Variants in CLN6 observed in about 807,000 individuals in gnomAD.
The protein encoded by CLN6 is ceroid-lipofuscinosis neuronal protein 6.
In CLN6, 22 loss-of-function variants were observed where a neutral mutation model predicts 33.3. That is an observed-to-expected ratio of 0.66 (90% CI 0.47 to 0.94). CLN6 has a LOEUF of 0.94. Ranked by LOEUF, CLN6 falls within the 40% of genes least tolerant of loss-of-function variation. CLN6 has a pLI of 0.00. For synonymous variants in CLN6, 201 were observed against 174.6 expected (o/e 1.15, Z -1.19); for missense variants, 387 against 417.1 (o/e 0.93, Z 0.63).
intron 2 of CLN6, among the ~76,000 whole-genome samples, chr15:68,217,382 A>G (rs2093223438): frequency 6.6e-6 from 1 of 152,108 alleles, no homozygotes; most frequent in South Asian, 2.1e-4. Flanking sequence ...GGTGCACATC[A>G]CCACACCCAG....
At position 68,211,615 on chromosome 15, in the gene CLN6, G is replaced by A. The variant is rs757601534; in HGVS notation, c.486+60C>T. 1.4e-5 allele frequency: 22 copies of A among 1,607,762 alleles called. No individual in the cohort carries two copies. The highest frequency in any genetic ancestry group is 1.6e-4 in the Middle Eastern group (1 of 6,084). Reference sequence around the variant, plus strand: ...GCGAGGGGTGGGGGCCATTTCTTCAGCCTCCCAGGACAGACTGTGCTCCTA... The same window carrying A: ...GCGAGGGGTGGGGGCCATTTCTTCAACCTCCCAGGACAGACTGTGCTCCTA... On this transcript the variant is annotated intron_variant, in intron 4 of 6. Coordinates refer to ENST00000249806, the MANE Select transcript of CLN6 (RefSeq NM_017882.3). This position sits in a 1 kb window ranked among gnomAD's most constrained non-coding sequence, Gnocchi z 5.9.
chr15:68,256,676 G>T lies in CLN6; in HGVS notation c.179+14C>A, dbSNP rs1219911759. Reference sequence around the variant, plus strand: ...CTTGGTTTAATGCGCTGCTCTCATTGCCTTGAAACTTACTTTTTACCTTTG... The same window carrying T: ...CTTGGTTTAATGCGCTGCTCTCATTTCCTTGAAACTTACTTTTTACCTTTG... On this transcript the variant is annotated intron_variant, in intron 1 of 6. Transcript: ENST00000538696. The surrounding 1 kb of genome is among the most constrained non-coding windows in gnomAD (Gnocchi z 4.1). 6 of 646,606 alleles carry T rather than the reference G, an allele frequency of 9.3e-6. No homozygotes were observed. The highest frequency in any genetic ancestry group is 1.4e-5 in the Non-Finnish European group (5 of 355,692). The allele number at this position is 646,606 out of a possible 1,614,324, so 40.1% of individuals were successfully genotyped here.
chr15:68,232,893 C>G (rs1007829127), upstream of CLN6, among the ~76,000 whole-genome samples: 1 of 151,944 alleles, frequency 6.6e-6, no homozygotes, highest in Non-Finnish European at 1.5e-5. This position sits in a 1 kb window ranked among gnomAD's most constrained non-coding sequence, Gnocchi z 4.7. Flanking sequence ...AATACAAAAA[C>G]GAACTGGGTG....
chr15:68,212,134 CATG>C (rs1021782454), intron 3 of CLN6: 21 of 500,586 alleles, frequency 4.2e-5, no homozygotes, highest in African/African-American at 3.9e-4. Context: ...CAAAGTCACA[CATG>C]AGCTGTAGGC....
chr15:68,228,275 G>A lies in CLN6; in HGVS notation c.83+1227C>T, dbSNP rs1299225960. ...CGCTCAGACTTCTCCCTTCATCCAG[G>A]TCGTACCAAAAACTTCCTAACAAGG... On this transcript the variant is annotated intron_variant, in intron 1 of 6. Coordinates refer to ENST00000249806, the MANE Select transcript of CLN6 (RefSeq NM_017882.3). This position sits in a 1 kb window ranked among gnomAD's most constrained non-coding sequence, Gnocchi z 4.4. Among the ~76,000 whole-genome samples, 1 of 152,138 alleles carries A rather than the reference G, an allele frequency of 6.6e-6. No homozygotes were observed. Among genetic ancestry groups the A allele is most frequent in the South Asian group, 2.1e-4 (1 of 4,822 alleles).
rs1348699922 is a variant in CLN6 at position 68,247,958 on chromosome 15, G to T, written c.179+8732C>A. On this transcript the variant is annotated intron_variant, in intron 1 of 6. Coordinates refer to the CLN6 transcript ENST00000538696. This position sits in a 1 kb window ranked among gnomAD's most constrained non-coding sequence, Gnocchi z 4.2. ...CAGGAGAATCACTTGAACCTGGGAG[G>T]TGGAGGTTGCAGTGAGCTGAGATCG... 1.3e-5 allele frequency among the ~76,000 whole-genome samples: 2 copies of T among 151,212 alleles called. No homozygotes were observed. The highest frequency in any genetic ancestry group is 2.1e-4 in the South Asian group (1 of 4,806).
At chr15:68,215,055 T>A (rs926180851) in intron 2 of CLN6, 1 of 154,772 alleles carries the variant, frequency 6.5e-6, no homozygotes, top group Non-Finnish European at 1.4e-5. Context: ...TTCTGAGCCC[T>A]GGCCTTGTCC....
chr15:68,215,380 C>T (rs913819317), intron 2 of CLN6: 5 of 152,216 alleles, frequency 3.3e-5, no homozygotes, highest in African/African-American at 1.2e-4. Context: ...AATAGGCTGA[C>T]TCTTCAATCA....
intron 3 of CLN6, chr15:68,212,093 G>A (rs1157559629): frequency 8.7e-6 from 5 of 576,522 alleles, no homozygotes; most frequent in Admixed American, 3.0e-5. Flanking sequence ...TACCCAGGGA[G>A]CAAAAAGACC....
intron 1 of CLN6, among the ~76,000 whole-genome samples, chr15:68,224,388 G>A (rs753957804): frequency 2.0e-5 from 3 of 151,550 alleles, no homozygotes; most frequent in Non-Finnish European, 4.4e-5. Flanking sequence ...TTGGGAGGGT[G>A]AGCTGGGCAG....
chr15:68,226,605 T>G (rs953737260), intron 1 of CLN6, among the ~76,000 whole-genome samples: 1 of 152,022 alleles, frequency 6.6e-6, no homozygotes, highest in Non-Finnish European at 1.5e-5. Context: ...TAGCTGGGAC[T>G]ACATGCGCAT....
chr15:68,232,637 C>T (rs2093269990), upstream of CLN6, among the ~76,000 whole-genome samples: 1 of 152,200 alleles, frequency 6.6e-6, no homozygotes, highest in Non-Finnish European at 1.5e-5. This position sits in a 1 kb window ranked among gnomAD's most constrained non-coding sequence, Gnocchi z 4.7. Flanking sequence ...GTGTTGGACA[C>T]TCCATGGAGT....
chr15:68,224,686 C>T lies in CLN6; in HGVS notation c.83+4816G>A, dbSNP rs186392010. Among the ~76,000 whole-genome samples, 435 of 151,582 alleles carry T rather than the reference C, an allele frequency of 2.9e-3. 14 individuals are homozygous for T. Among genetic ancestry groups the T allele is most frequent in the Non-Finnish European group, 6.8e-4 (46 of 67,946 alleles). ...TTTTCTTCTCCTGGAACTCTGCCCA[C>T]GGGAGGCAGATCATGGAATGGTAAA... is the stretch of plus-strand genomic sequence containing the variant. On this transcript the variant is annotated intron_variant, in intron 1 of 6. Transcript: ENST00000249806.
Position 68,241,373 on chromosome 15 carries a change from T to A in CLN6, c.179+15317A>T, listed in dbSNP as rs377319816. ...AGAGAAGTGAAAAAGCTCTGAGCAG[T>A]CAGTAAGATAAATGGATTTCTACAT... is the stretch of plus-strand genomic sequence containing the variant. On this transcript the variant is annotated intron_variant, in intron 1 of 6. Transcript: ENST00000538696. This position sits in a 1 kb window ranked among gnomAD's most constrained non-coding sequence, Gnocchi z 4.2. Among the ~76,000 whole-genome samples the A allele has an allele frequency of 6.6e-6, 1 of 152,044 alleles. No individual in the cohort carries two copies. The highest frequency in any genetic ancestry group is 2.4e-5 in the African/African-American group (1 of 41,414).
At chr15:68,229,480 T>C in intron 1 of CLN6, 22 bp downstream of exon 1, 1 of 1,456,308 alleles carries the variant, frequency 6.9e-7, no homozygotes, top group Non-Finnish European at 9.0e-7. Context: ...TAGCCCGCCC[T>C]CTCACCCCGG....
At position 68,227,124 on chromosome 15, in the gene CLN6, G is replaced by A. The variant is rs531711052; in HGVS notation, c.83+2378C>T. Among the ~76,000 whole-genome samples the A allele has an allele frequency of 1.3e-5, 2 of 150,024 alleles. No homozygotes were observed. Among genetic ancestry groups the A allele is most frequent in the African/African-American group, 2.5e-5 (1 of 40,678 alleles). ...GCCATCTCGGCTCACTACAACCTCC[G>A]CCTCCCAGGCTCAAGGGATCCTGGT... On this transcript the variant is annotated intron_variant, in intron 1 of 6. Transcript: ENST00000249806. The surrounding 1 kb of genome is among the most constrained non-coding windows in gnomAD (Gnocchi z 4.1).
chr15:68,224,265 C>CCA (rs1555439826), intron 1 of CLN6, among the ~76,000 whole-genome samples: 4 of 46,724 alleles, frequency 8.6e-5, no homozygotes, highest in African/African-American at 1.3e-4. Context: ...GACCTTATTG[C>CCA]AAAAAAAAAA....
In CLN6 at chr15:68,252,298, A is replaced by C. The variant is rs141012682; in HGVS notation, c.179+4392T>G. 5.7e-4 allele frequency among the ~76,000 whole-genome samples: 87 copies of C among 152,238 alleles called. 2 individuals carry two copies. The East Asian group carries it at 0.013, about 22-fold the overall frequency. On this transcript the variant is annotated intron_variant, in intron 1 of 6. Coordinates refer to the CLN6 transcript ENST00000538696. ...CTTGTGTGAATCTTAAAATAAGAAAAAGACAAACCAGTAGGAAGATGAGCA... is the reference window on the plus strand; with the variant it reads ...CTTGTGTGAATCTTAAAATAAGAAACAGACAAACCAGTAGGAAGATGAGCA...
Position 68,208,171 on chromosome 15 carries a change from A to G in CLN6, c.905T>C (p.Phe302Ser). Reference sequence around the variant, plus strand: ...CCGACTGCTGACGTGAAGGGTGTAGAAAGCCCAGGGCTCAGGGACGTAGAT... The same window carrying G: ...CCGACTGCTGACGTGAAGGGTGTAGGAAGCCCAGGGCTCAGGGACGTAGAT... Reference protein sequence around the residue: ...GVIYVPEPWAFYTLHVSSRH With the variant: ...GVIYVPEPWASYTLHVSSRH The change falls in exon 7 of 7, where the codon TTC becomes TCC. Residue 302 changes from phenylalanine to serine, a missense_variant. Phe to Ser is a radical substitution (Grantham distance 155, BLOSUM62 -2). Transcript: ENST00000249806. The surrounding 1 kb of genome is among the most constrained non-coding windows in gnomAD (Gnocchi z 5.8). The G allele has an allele frequency of 6.7e-7, 1 of 1,501,160 alleles. No homozygotes were observed. 93.0% of individuals were successfully genotyped at this position (1,501,160 alleles called of 1,614,324 possible). A position where few individuals can be genotyped will look rare whatever the true frequency, so the allele number is the denominator to read the frequency against.
Sources: allele counts gnomAD v4.1 joint callset (sites outside exome capture counted in the v4.1 genomes callset), GRCh38; gene constraint gnomAD v4.1.1; non-coding constraint Gnocchi (gnomAD v3.1); transcripts MANE v1.5; gene names NCBI Gene and HGNC (gene_info 2026-07-23, HGNC 2026-07-21).